Variants in CSMD2 observed in about 807,000 individuals in gnomAD.
The protein encoded by CSMD2 is CUB and Sushi multiple domains 2.
In CSMD2, 130 loss-of-function variants were observed where a neutral mutation model predicts 398.5. That is an observed-to-expected ratio of 0.33 (90% CI 0.28 to 0.38). CSMD2 has a LOEUF of 0.38. Among genes scored for constraint, CSMD2 ranks in the 10% least tolerant of loss-of-function variants. The pLI is 1.00. For synonymous variants in CSMD2, 1,828 were observed against 1,908.5 expected (o/e 0.96, Z 1.10); for missense variants, 3,829 against 4,764.9 (o/e 0.80, Z 5.78).
At chr1:34,116,285 G>A (rs1324259079) in intron 1 of CSMD2, among the ~76,000 whole-genome samples, 1 of 151,964 alleles carries the variant, frequency 6.6e-6, no homozygotes, top group Non-Finnish European at 1.5e-5. Flanking sequence ...TAGGCTAAAA[G>A]TGATAGAATA....
chr1:33,974,588 A>T (rs1310516368), intron 3 of CSMD2, among the ~76,000 whole-genome samples: 1 of 152,236 alleles, frequency 6.6e-6, no homozygotes, highest in African/African-American at 2.4e-5. Flanking sequence ...AACCTGCTTG[A>T]TGTCCCAGGG....
intron 1 of CSMD2, among the ~76,000 whole-genome samples, chr1:34,091,905 C>G (rs1032722903): frequency 1.3e-5 from 2 of 151,600 alleles, no homozygotes; most frequent in Non-Finnish European, 2.9e-5. Context: ...CCATGTGACA[C>G]AAGAAAAAGA....
chr1:33,696,365 G>A (rs1557745699), intron 24 of CSMD2, among the ~76,000 whole-genome samples: 1 of 152,196 alleles, frequency 6.6e-6, no homozygotes, highest in African/African-American at 2.4e-5. Flanking sequence ...TTTCACACAG[G>A]ACCACTAAGG....
At chr1:33,641,889 A>G (rs1481990298) in intron 29 of CSMD2, among the ~76,000 whole-genome samples, 1 of 152,202 alleles carries the variant, frequency 6.6e-6, no homozygotes, top group Non-Finnish European at 1.5e-5. Flanking sequence ...TAGCTGCTCA[A>G]TTCGTATTTA....
At chr1:33,728,003 C>T (rs544584673) in intron 15 of CSMD2, among the ~76,000 whole-genome samples, 3 of 152,306 alleles carry the variant, frequency 2.0e-5, no homozygotes, top group Admixed American at 6.5e-5. Flanking sequence ...AAAACAAAAT[C>T]CCCTGTGAGG....
At chr1:33,888,708 C>T (rs1371632553) in intron 5 of CSMD2, among the ~76,000 whole-genome samples, 1 of 152,010 alleles carries the variant, frequency 6.6e-6, no homozygotes, top group Non-Finnish European at 1.5e-5. Flanking sequence ...CTAACCAAGA[C>T]ACAAAACTGA....
intron 41 of CSMD2, among the ~76,000 whole-genome samples, chr1:33,610,516 C>T (rs1417952140): frequency 1.3e-5 from 2 of 152,132 alleles, no homozygotes; most frequent in African/African-American, 2.4e-5. Flanking sequence ...GGGCCGGTCA[C>T]GGGATCCCAC....
intron 10 of CSMD2, among the ~76,000 whole-genome samples, chr1:33,796,938 C>A (rs1320530766): frequency 6.6e-6 from 1 of 152,140 alleles, no homozygotes; most frequent in Non-Finnish European, 1.5e-5. Context: ...CTGAAATAAG[C>A]CCTGGTCTCC....
At chr1:34,050,028 TCA>T (rs1185540483) in intron 2 of CSMD2, among the ~76,000 whole-genome samples, 2 of 152,214 alleles carry the variant, frequency 1.3e-5, no homozygotes, top group African/African-American at 4.8e-5. Flanking sequence ...ATGAAACCTC[TCA>T]CCAGAATCAG....
chr1:33,532,426 T>C lies in CSMD2; in HGVS notation c.10171+624A>G, dbSNP rs560773854. On this transcript the variant is annotated intron_variant, in intron 64 of 70. Transcript: ENST00000373381. Reference sequence around the variant, plus strand: ...TTAATCCTTTCCCTCAAGACTGGACTCAGACATCACCTTCTCCAGGAAGTC... The same window carrying C: ...TTAATCCTTTCCCTCAAGACTGGACCCAGACATCACCTTCTCCAGGAAGTC... Among the ~76,000 whole-genome samples, 13 of 152,340 alleles carry C rather than the reference T, an allele frequency of 8.5e-5. No homozygotes were observed. In the South Asian group the frequency reaches 2.5e-3, roughly 29 times the overall value.
chr1:33,854,820 C>G (rs545292919), intron 5 of CSMD2, among the ~76,000 whole-genome samples: 1 of 152,334 alleles, frequency 6.6e-6, no homozygotes, highest in Non-Finnish European at 1.5e-5. Context: ...GGACACATGT[C>G]TGAGGCTTGG....
chr1:33,943,998 C>T (rs2125349242), intron 3 of CSMD2, among the ~76,000 whole-genome samples: 1 of 151,590 alleles, frequency 6.6e-6, no homozygotes, highest in Admixed American at 6.6e-5. Flanking sequence ...CAAACATTTT[C>T]CATACAGGGC....
intron 1 of CSMD2, among the ~76,000 whole-genome samples, chr1:34,124,615 G>C (rs1223536475): frequency 6.6e-6 from 1 of 151,994 alleles, no homozygotes; most frequent in Non-Finnish European, 1.5e-5. Context: ...AGCACAGCAT[G>C]GGGAGAAACA....
intron 5 of CSMD2, among the ~76,000 whole-genome samples, chr1:33,848,465 A>G (rs1638447493): frequency 6.6e-6 from 1 of 152,190 alleles, no homozygotes; most frequent in African/African-American, 2.4e-5. Context: ...GCCAGAGAGC[A>G]AGAGAGCATA....
intron 3 of CSMD2, among the ~76,000 whole-genome samples, chr1:33,982,333 G>A (rs1646201003): frequency 6.6e-6 from 1 of 152,132 alleles, no homozygotes; most frequent in Admixed American, 6.5e-5. Context: ...CTGCACAGTG[G>A]CACAGTGCCA....
At chr1:33,976,380 CTA>C (rs1419139862) in intron 3 of CSMD2, among the ~76,000 whole-genome samples, 1 of 152,202 alleles carries the variant, frequency 6.6e-6, no homozygotes, top group Non-Finnish European at 1.5e-5. Flanking sequence ...GATTCCCAGC[CTA>C]GGGTGTAACT....
intron 2 of CSMD2, among the ~76,000 whole-genome samples, chr1:34,087,824 A>G (rs1658079229): frequency 6.6e-6 from 1 of 152,104 alleles, no homozygotes; most frequent in South Asian, 2.1e-4. Context: ...CAGTGTCAAG[A>G]CATAATAGGT....
chr1:33,518,324 C>T lies in CSMD2; in HGVS notation c.*53+1141G>A, dbSNP rs1653943747. 6.6e-6 allele frequency among the ~76,000 whole-genome samples: 1 copy of T among 152,164 alleles called. No homozygotes were observed. The highest frequency in any genetic ancestry group is 2.4e-5 in the African/African-American group (1 of 41,436). ...GGACACAGTGAGGAAGAGGCAGTGC[C>T]TTTTAGATTCATCAGTTCCTTCCCA... is the stretch of plus-strand genomic sequence containing the variant. On this transcript the variant is annotated intron_variant, in intron 70 of 70. Coordinates refer to ENST00000373381, the MANE Select transcript of CSMD2 (RefSeq NM_001281956.2). The surrounding 1 kb of genome is among the most constrained non-coding windows in gnomAD (Gnocchi z 4.3).
chr1:33,779,454 C>G (rs1169057287), intron 12 of CSMD2, among the ~76,000 whole-genome samples: 1 of 152,182 alleles, frequency 6.6e-6, no homozygotes, highest in East Asian at 1.9e-4. Flanking sequence ...CTTCTGTACA[C>G]AAGATAATTG....
Sources: allele counts gnomAD v4.1 joint callset (sites outside exome capture counted in the v4.1 genomes callset), GRCh38; gene constraint gnomAD v4.1.1; non-coding constraint Gnocchi (gnomAD v3.1); transcripts MANE v1.5; gene names NCBI Gene and HGNC (gene_info 2026-07-23, HGNC 2026-07-21).